Variants in SLC6A18 observed in about 807,000 individuals in gnomAD.
SLC6A18 encodes the protein inactive sodium-dependent neutral amino acid transporter B(0)AT3.
SLC6A18 carries 58 observed loss-of-function variants against 62.9 expected under a neutral mutation model. The observed-to-expected ratio is 0.92, with a 90% CI of 0.75 to 1.15. The LOEUF is 1.15. SLC6A18 is among the 50% of genes most tolerant of loss of function. The pLI is 0.00. For synonymous variants in SLC6A18, 382 were observed against 365.8 expected (o/e 1.04, Z -0.51); for missense variants, 793 against 836.6 (o/e 0.95, Z 0.64).
chr5:1,237,502 G>A (rs58948702), intron 4 of SLC6A18, among the ~76,000 whole-genome samples: 15 of 152,266 alleles, frequency 9.9e-5, no homozygotes, highest in East Asian at 1.9e-4. Context: ...CTGAGAACTC[G>A]AGAGTGGACA....
intron 6 of SLC6A18, 38 bp downstream of exon 6, chr5:1,239,600 T>A (rs776725301): frequency 6.7e-7 from 1 of 1,502,604 alleles, no homozygotes; most frequent in Non-Finnish European, 9.3e-7. Context: ...CAGGGAAGCT[T>A]TGGGGAGACG....
intron 4 of SLC6A18, among the ~76,000 whole-genome samples, 189 bp from the exon 5 acceptor site, chr5:1,237,761 C>T (rs563769138): frequency 6.6e-6 from 1 of 152,260 alleles, no homozygotes; most frequent in East Asian, 1.9e-4. Context: ...AGCCCCAAAC[C>T]CTCCGAGCTT....
chr5:1,227,157 G>A (rs1009528491), intron 1 of SLC6A18, among the ~76,000 whole-genome samples: 15 of 134,216 alleles, frequency 1.1e-4, no homozygotes, highest in African/African-American at 2.9e-4. Flanking sequence ...TGACTTGCCC[G>A]CCGATGCCTT....
rs181143060 is a variant in SLC6A18, at chr5:1,226,901, C to G, written c.160+1264C>G. Among the ~76,000 whole-genome samples the G allele has an allele frequency of 2.2e-4, 33 of 152,280 alleles. No homozygotes were observed. In the East Asian group the frequency reaches 5.2e-3, roughly 24 times the overall value. On this transcript the variant is annotated intron_variant, in intron 1 of 11. Coordinates refer to ENST00000324642, the MANE Select transcript of SLC6A18 (RefSeq NM_182632.3). ...TGCCGGCCAACGCTTTACCCACCAA[C>G]GCCTTGTTCGCCAATGCCTTGCCCA...
intron 3 of SLC6A18, among the ~76,000 whole-genome samples, chr5:1,233,842 C>T (rs368758029): frequency 3.0e-4 from 46 of 152,012 alleles, no homozygotes; most frequent in East Asian, 9.7e-4. Flanking sequence ...CCCAGGTTCA[C>T]GCCATTCTCC....
At chr5:1,229,785 G>A (rs1439316956) in intron 1 of SLC6A18, among the ~76,000 whole-genome samples, 1 of 151,828 alleles carries the variant, frequency 6.6e-6, no homozygotes, top group Admixed American at 6.6e-5. Context: ...GGCTGGGGGT[G>A]GGGGGAAGTG....
rs1451924510 is a variant in SLC6A18 at position 1,238,415 on chromosome 5, G to GA, written c.732+355_732+356insA. On this transcript the variant is annotated intron_variant, in intron 5 of 11. Transcript: ENST00000324642. The stretch of plus-strand genomic sequence containing the variant: ...AGAGGTCAGGTTTGGAGTGGGCCTG[G>GA]GGCCTCAGGAAAGAGGTCAGGTTTG... 4.4e-3 allele frequency among the ~76,000 whole-genome samples: 303 copies of GA among 69,640 alleles called. 8 individuals are homozygous for GA. Among genetic ancestry groups the GA allele is most frequent in the African/African-American group, 0.013 (111 of 8,746 alleles). 45.7% of individuals were successfully genotyped at this position (69,640 alleles called of 152,430 possible). A position where few individuals can be genotyped will look rare whatever the true frequency, so the allele number is the denominator to read the frequency against.
intron 4 of SLC6A18, 87 bp from the exon 5 acceptor site, chr5:1,237,863 C>A: frequency 1.0e-6 from 1 of 996,860 alleles, no homozygotes; most frequent in Non-Finnish European, 1.6e-6. Context: ...ACCACAAGGG[C>A]GGTGTCTGGA....
rs370752348 is a variant in SLC6A18 at position 1,225,450 on chromosome 5, G to A, written c.-28G>A. 5.0e-6 allele frequency: 8 copies of A among 1,597,884 alleles called. No homozygotes were observed. The highest frequency in any genetic ancestry group is 4.5e-5 in the East Asian group (2 of 44,322). ...GGGTGTGGAGTGAGGCACCACCCTT[G>A]CCCTGAAGCCTGGGGCACTCAGTCA... On this transcript the variant is annotated 5_prime_UTR_variant, in exon 1 of 12. Coordinates refer to ENST00000324642, the MANE Select transcript of SLC6A18 (RefSeq NM_182632.3).
rs1746745431 is a variant in SLC6A18 at position 1,232,167 on chromosome 5, G to A, written c.161-52G>A. 3 of 1,558,470 alleles carry A rather than the reference G, an allele frequency of 1.9e-6. No individual in the cohort carries two copies. The Admixed American group carries it at 5.3e-5, about 28-fold the overall frequency. ...GTGGCTCCCCCTGGCCCACGCCACA[G>A]TCCCCCCCAGCCCCCGACCCTGGGC... On this transcript the variant is annotated intron_variant, in intron 1 of 11. Transcript: ENST00000324642.
intron 2 of SLC6A18, 98 bp from the exon 3 acceptor site, chr5:1,232,653 G>T: frequency 6.7e-7 from 1 of 1,500,812 alleles, no homozygotes. Context: ...TTCAGCATGT[G>T]TTATTTTATG....
intron 3 of SLC6A18, among the ~76,000 whole-genome samples, chr5:1,233,749 A>ATTTTTTTTTTTTTTTT (rs70957337): frequency 7.2e-6 from 1 of 138,634 alleles, no homozygotes; most frequent in African/African-American, 2.7e-5. Context: ...CACTCAGCTA[A>ATTTTTTTTTTTTTTTT]TTTTTTTTTT....
At chr5:1,245,783 A>G in intron 11 of SLC6A18, 65 bp from the exon 12 acceptor site, 1 of 1,485,046 alleles carries the variant, frequency 6.7e-7, no homozygotes, top group Non-Finnish European at 9.0e-7. Context: ...TGGATTGAGG[A>G]GCACGGGGGT....
intron 1 of SLC6A18, among the ~76,000 whole-genome samples, chr5:1,229,173 G>A (rs750989587): frequency 2.6e-5 from 4 of 151,822 alleles, no homozygotes; most frequent in Admixed American, 6.6e-5. Context: ...CCACAGAGTC[G>A]ACGTTCCTGT....
chr5:1,244,255 AC>A lies in SLC6A18; in HGVS notation c.1379del (p.Thr460SerfsTer38), dbSNP rs765901490. 1.9e-6 allele frequency: 3 copies of A among 1,608,228 alleles called. No homozygotes were observed. The South Asian group carries it at 3.3e-5, about 18-fold the overall frequency. ...CTGCTTCCTCTCCGCCACCTGCTTC[AC>A]GCTGCAGTCTGGGAACTACTGGCTG... ...LVCFLSATCF[T>X]LQSGNYWLEI... On this transcript the variant is annotated frameshift_variant, in exon 10 of 12. Coordinates refer to ENST00000324642, the MANE Select transcript of SLC6A18 (RefSeq NM_182632.3). LOFTEE classifies it high-confidence loss of function.
At position 1,240,604 on chromosome 5, in the gene SLC6A18, G is replaced by T; in HGVS notation, c.919G>T (p.Val307Phe). The part of the protein sequence containing the change: ...RMTSLYASIA[V>F]FSVLGFKATN... ...GACCTCCCTGTACGCGTCCATCGCTGTCTTCTCTGTCCTGGGGTTCAAAGC... is the reference window on the plus strand; with the variant it reads ...GACCTCCCTGTACGCGTCCATCGCTTTCTTCTCTGTCCTGGGGTTCAAAGC... Residue 307 changes from valine (V) to phenylalanine (F), a missense_variant, in exon 7 of 12, where the codon GTC (valine) becomes TTC (phenylalanine). Coordinates refer to ENST00000324642, the MANE Select transcript of SLC6A18 (RefSeq NM_182632.3). 3 of 1,614,192 alleles carry T rather than the reference G, an allele frequency of 1.9e-6. No homozygotes were observed. The highest frequency in any genetic ancestry group is 4.5e-5 in the East Asian group (2 of 44,876).
At chr5:1,231,704 G>T (rs1227196770) in intron 1 of SLC6A18, among the ~76,000 whole-genome samples, 1 of 152,246 alleles carries the variant, frequency 6.6e-6, no homozygotes, top group Non-Finnish European at 1.5e-5. Context: ...TGCTCAGTCA[G>T]CACTTTATTT....
In SLC6A18 at chr5:1,232,614, T is replaced by C. The variant is rs566003590; in HGVS notation, c.302-137T>C. ...GGTGTTGCCATTCACATGTGAGGTG[T>C]GAGGGAGGCCTGGCTTTCAGCTGCG... is the stretch of plus-strand genomic sequence containing the variant. On this transcript the variant is annotated intron_variant, in intron 2 of 11. Transcript: ENST00000324642. 36 of 1,283,576 alleles carry C rather than the reference T, an allele frequency of 2.8e-5. No homozygotes were observed. In the South Asian group the frequency reaches 5.4e-4, roughly 19 times the overall value. The allele number at this position is 1,283,576 out of a possible 1,614,324, so 79.5% of individuals were successfully genotyped here. A position where few individuals can be genotyped will look rare whatever the true frequency, so the allele number is the denominator to read the frequency against.
At chr5:1,237,525 G>C (rs1274884283) in intron 4 of SLC6A18, among the ~76,000 whole-genome samples, 1 of 152,156 alleles carries the variant, frequency 6.6e-6, no homozygotes, top group Non-Finnish European at 1.5e-5. Context: ...AGGGAGGCCG[G>C]AGAGGGGACC....
Sources: gnomAD v4.1 joint callset for allele counts (sites outside exome capture counted in the v4.1 genomes callset) on GRCh38, gnomAD v4.1.1 for gene constraint, MANE v1.5 for transcripts, NCBI Gene and HGNC (gene_info 2026-07-23, HGNC 2026-07-21) for gene names.